CHRM3: variants seen among roughly 807,000 people sequenced by gnomAD.
The protein encoded by CHRM3 is cholinergic receptor muscarinic 3, also known as muscarinic acetylcholine receptor M3.
In CHRM3, 11 loss-of-function variants were observed where a neutral mutation model predicts 41.8. The ratio of observed to expected loss-of-function variants is 0.26; its 90% CI spans 0.17 to 0.44. CHRM3 has a LOEUF of 0.44. CHRM3 is among the 20% of genes least tolerant of loss of function. The pLI, the probability that CHRM3 is intolerant of heterozygous loss-of-function variation, is 1.00. For missense variants in CHRM3, 571 were observed against 745.4 expected, an observed-to-expected ratio of 0.77 and a Z score of 2.72; for synonymous variants, 297 against 301.4, an observed-to-expected ratio of 0.99 and a Z score of 0.15.
At chr1:239,434,706 T>C (rs1317814947) in intron 1 of CHRM3, among the ~76,000 whole-genome samples, 1 of 152,106 alleles carries the variant, frequency 6.6e-6, no homozygotes, top group Non-Finnish European at 1.5e-5. Flanking sequence ...CAGACAAAAA[T>C]TTCTGCATGC....
chr1:239,451,788 T>C (rs1220606869), intron 1 of CHRM3, among the ~76,000 whole-genome samples: 3 of 152,282 alleles, frequency 2.0e-5, no homozygotes, highest in Admixed American at 2.0e-4. Flanking sequence ...AGTAAAGTAA[T>C]TAAAAATGTA....
intron 4 of CHRM3, among the ~76,000 whole-genome samples, chr1:239,668,453 T>C (rs574774856): frequency 1.3e-5 from 2 of 152,286 alleles, no homozygotes; most frequent in South Asian, 4.1e-4. Context: ...TAATGTTTAG[T>C]CTGAGCATTG....
chr1:239,442,826 T>C (rs1016815316), intron 1 of CHRM3, among the ~76,000 whole-genome samples: 4 of 152,166 alleles, frequency 2.6e-5, no homozygotes, highest in South Asian at 2.1e-4. Flanking sequence ...AAGTAGCGTC[T>C]TTTCTGGTGA....
chr1:239,734,842 G>T (rs538947691), intron 5 of CHRM3, among the ~76,000 whole-genome samples: 2 of 152,220 alleles, frequency 1.3e-5, no homozygotes, highest in African/African-American at 4.8e-5. Flanking sequence ...GAACTTAGAT[G>T]AAATAAGATT....
chr1:239,574,332 CCTT>C (rs1295659840), intron 3 of CHRM3, among the ~76,000 whole-genome samples: 9 of 152,168 alleles, frequency 5.9e-5, no homozygotes, highest in East Asian at 3.9e-4. Flanking sequence ...GCCCTCCTCT[CCTT>C]CTTTCTGTCT....
intron 5 of CHRM3, among the ~76,000 whole-genome samples, chr1:239,773,520 A>G (rs1031067887): frequency 6.6e-6 from 1 of 152,120 alleles, no homozygotes; most frequent in African/African-American, 2.4e-5. Context: ...TCCCATTCTC[A>G]TTGCTTTGTA....
intron 2 of CHRM3, among the ~76,000 whole-genome samples, chr1:239,506,653 A>G (rs976303656): frequency 2.0e-5 from 3 of 152,170 alleles, no homozygotes; most frequent in Non-Finnish European, 4.4e-5. Flanking sequence ...CTACTGGGGC[A>G]CTGCCTAGTG....
intron 4 of CHRM3, among the ~76,000 whole-genome samples, chr1:239,636,028 G>A (rs544373850): frequency 8.6e-4 from 131 of 152,262 alleles, no homozygotes; most frequent in Non-Finnish European, 1.4e-3. Context: ...GGTATAAATA[G>A]AAAATAGTGG....
At chr1:239,582,458 T>A (rs893924669) in intron 3 of CHRM3, among the ~76,000 whole-genome samples, 10 of 152,110 alleles carry the variant, frequency 6.6e-5, no homozygotes, top group Non-Finnish European at 1.3e-4. Flanking sequence ...AAGACCCAAT[T>A]TCCCTGAGAG....
At chr1:239,606,350 A>AC in intron 3 of CHRM3, 1 of 152,048 alleles carries the variant, frequency 6.6e-6, no homozygotes, top group East Asian at 1.9e-4. Flanking sequence ...ATCTCGGCTC[A>AC]CTGCTACCTC....
intron 4 of CHRM3, among the ~76,000 whole-genome samples, chr1:239,665,768 G>C (rs1295560554): frequency 6.6e-6 from 1 of 152,178 alleles, no homozygotes; most frequent in East Asian, 1.9e-4. Flanking sequence ...GGAACTTGCG[G>C]TGTTTCGTTT....
chr1:239,817,232 A>T (rs1671668137), intron 5 of CHRM3, among the ~76,000 whole-genome samples: 1 of 152,184 alleles, frequency 6.6e-6, no homozygotes, highest in Non-Finnish European at 1.5e-5. Flanking sequence ...GAAGGCTCTG[A>T]GGCTGTCCTG....
intron 5 of CHRM3, among the ~76,000 whole-genome samples, chr1:239,741,839 G>T (rs1021355523): frequency 2.4e-4 from 36 of 152,294 alleles, no homozygotes; most frequent in African/African-American, 7.7e-4. Flanking sequence ...TGGATTAAAA[G>T]AAAGTAAGAT....
chr1:239,460,596 T>TA (rs1558239955), intron 1 of CHRM3, among the ~76,000 whole-genome samples: 1 of 149,428 alleles, frequency 6.7e-6, no homozygotes, highest in Non-Finnish European at 1.5e-5. Flanking sequence ...TCCTGTCAAT[T>TA]AAAAAAATCT....
intron 1 of CHRM3, among the ~76,000 whole-genome samples, chr1:239,424,849 G>A (rs1351814905): frequency 6.6e-6 from 1 of 152,188 alleles, no homozygotes; most frequent in East Asian, 1.9e-4. Context: ...CAGGAGTGCT[G>A]ACTTTCTTGT....
At chr1:239,389,360 G>T (rs940878198) in intron 1 of CHRM3, among the ~76,000 whole-genome samples, 1 of 152,098 alleles carries the variant, frequency 6.6e-6, no homozygotes, top group African/African-American at 2.4e-5. Context: ...CTTTTATTCT[G>T]GGGTAGGGGG....
chr1:239,426,490 GA>G (rs1662399440), intron 1 of CHRM3, among the ~76,000 whole-genome samples: 2 of 125,664 alleles, frequency 1.6e-5, no homozygotes, highest in South Asian at 2.6e-4. Flanking sequence ...AAAAAAGAAA[GA>G]AAAAATCCAA....
chr1:239,670,202 C>T (rs894132937), intron 4 of CHRM3, among the ~76,000 whole-genome samples: 3 of 152,136 alleles, frequency 2.0e-5, no homozygotes, highest in Non-Finnish European at 4.4e-5. Context: ...CATATTTTCA[C>T]CATCACGCCA....
chr1:239,836,430 A>G (rs1269918219), intron 6 of CHRM3, among the ~76,000 whole-genome samples: 3 of 152,142 alleles, frequency 2.0e-5, no homozygotes, highest in Non-Finnish European at 2.9e-5. Flanking sequence ...CAATTGATAA[A>G]AATATAAGAA....
Sources: allele counts gnomAD v4.1 joint callset (sites outside exome capture counted in the v4.1 genomes callset), GRCh38; gene constraint gnomAD v4.1.1; transcripts MANE v1.5; gene names NCBI Gene and HGNC (gene_info 2026-07-23, HGNC 2026-07-21).